PPP3CA: variants seen among roughly 807,000 people sequenced by gnomAD.
PPP3CA encodes the protein CAM-PRP catalytic subunit.
Under a neutral mutation model 66.5 loss-of-function variants are expected in PPP3CA, and 14 were observed. The observed-to-expected ratio is 0.21, with a 90% CI of 0.14 to 0.33. PPP3CA has a LOEUF of 0.33. Among genes scored for constraint, PPP3CA ranks in the 10% least tolerant of loss-of-function variants. The probability of loss-of-function intolerance (pLI) is 1.00; values close to 1 mark genes in which losing one functional copy is unlikely to be tolerated. For missense variants in PPP3CA, 317 were observed against 639.5 expected, an observed-to-expected ratio of 0.50 and a Z score of 5.44; for synonymous variants, 232 against 226.2, an observed-to-expected ratio of 1.03 and a Z score of -0.23.
At position 101,346,824 on chromosome 4, in the gene PPP3CA, C is replaced by A; in HGVS notation, c.-28G>T. On this transcript the variant is annotated 5_prime_UTR_variant, in exon 1 of 14. Coordinates refer to ENST00000394854, the MANE Select transcript of PPP3CA (RefSeq NM_000944.5). ...CCAGCTGCCGGAGGACAGCGACGCG[C>A]TGCTCGTCCGTCCGACTGCACACCC... 1 of 1,604,806 alleles carries A rather than the reference C, an allele frequency of 6.2e-7. No homozygotes were observed. Among genetic ancestry groups the A allele is most frequent in the Non-Finnish European group, 8.5e-7 (1 of 1,176,430 alleles).
intron 2 of PPP3CA, among the ~76,000 whole-genome samples, chr4:101,180,778 A>G (rs1450833601): frequency 2.6e-5 from 4 of 152,124 alleles, no homozygotes; most frequent in Non-Finnish European, 4.4e-5. Context: ...TCACACCTGT[A>G]ATCCCAGCAC....
intron 8 of PPP3CA, among the ~76,000 whole-genome samples, chr4:101,074,804 C>T (rs933533091): frequency 1.3e-5 from 2 of 152,000 alleles, no homozygotes; most frequent in Non-Finnish European, 2.9e-5. Context: ...CATATTTTTC[C>T]CTATCAAAAA....
intron 3 of PPP3CA, among the ~76,000 whole-genome samples, chr4:101,106,458 A>AGAAAGAAAGAAAGAAAG (rs1560605216): frequency 6.1e-5 from 2 of 32,714 alleles, no homozygotes; most frequent in Non-Finnish European, 1.2e-4. Flanking sequence ...AGAAAGAGAA[A>AGAAAGAAAGAAAGAAAG]AGAAAAGAAA....
At chr4:101,318,012 G>A (rs975506259) in intron 1 of PPP3CA, among the ~76,000 whole-genome samples, 2 of 152,150 alleles carry the variant, frequency 1.3e-5, no homozygotes, top group Non-Finnish European at 2.9e-5. Flanking sequence ...AACAAATATT[G>A]TCTATTATTA....
intron 2 of PPP3CA, among the ~76,000 whole-genome samples, chr4:101,179,556 C>T (rs1049292135): frequency 2.0e-5 from 3 of 152,104 alleles, no homozygotes; most frequent in African/African-American, 7.2e-5. Flanking sequence ...CATGCTGTCT[C>T]TTTGTCCCCA....
At chr4:101,034,655 G>A (rs115236148) in intron 11 of PPP3CA, among the ~76,000 whole-genome samples, 1 of 152,272 alleles carries the variant, frequency 6.6e-6, no homozygotes, top group African/African-American at 2.4e-5. Flanking sequence ...GTTGAATGGA[G>A]AATGGAAATG....
intron 2 of PPP3CA, among the ~76,000 whole-genome samples, chr4:101,175,021 T>TA (rs1175477917): frequency 2.6e-5 from 4 of 152,126 alleles, no homozygotes; most frequent in Non-Finnish European, 5.9e-5. Context: ...AGGTAAGACT[T>TA]AAAGTCCCGA....
chr4:101,040,520 T>G lies in PPP3CA; in HGVS notation c.1203A>C (p.Arg401=). 2 of 1,613,724 alleles carry G rather than the reference T, an allele frequency of 1.2e-6. No individual in the cohort carries two copies. Among genetic ancestry groups the G allele is most frequent in the Non-Finnish European group, 1.7e-6 (2 of 1,179,880 alleles). The change falls in exon 11 of 14, where the codon CGA becomes CGC. Residue 401 remains arginine (R), a synonymous_variant. Transcript: ENST00000394854. The stretch of plus-strand genomic sequence containing the variant: ...ACACTCTGGCCATTTTGCCTATTGC[T>G]CGGATCTTGTTCCTTATCACCTCTT... ...ARKEVIRNKI[R]AIGKMARVFS... is the part of the protein sequence containing the mutation.
intron 2 of PPP3CA, among the ~76,000 whole-genome samples, chr4:101,146,093 C>T (rs1439855646): frequency 6.6e-6 from 1 of 152,168 alleles, no homozygotes; most frequent in African/African-American, 2.4e-5. Flanking sequence ...AAGTTTTTCT[C>T]TATTCATGCT....
At chr4:101,082,818 T>C (rs1177100076) in intron 7 of PPP3CA, among the ~76,000 whole-genome samples, 1 of 152,224 alleles carries the variant, frequency 6.6e-6, no homozygotes, top group Non-Finnish European at 1.5e-5. Context: ...ATATTTAGTA[T>C]AATTCTCATT....
intron 10 of PPP3CA, among the ~76,000 whole-genome samples, chr4:101,059,147 G>A (rs1239856014): frequency 6.6e-6 from 1 of 152,038 alleles, no homozygotes; most frequent in Non-Finnish European, 1.5e-5. Context: ...AAAAATTTCT[G>A]CCATTCTGAA....
intron 2 of PPP3CA, among the ~76,000 whole-genome samples, chr4:101,109,330 A>G (rs1721577183): frequency 1.4e-5 from 2 of 144,860 alleles, no homozygotes; most frequent in South Asian, 4.4e-4. Context: ...AAAAAAAAAA[A>G]AGAAGAGAAT....
chr4:101,243,413 T>C (rs1454496764), intron 1 of PPP3CA, among the ~76,000 whole-genome samples: 1 of 152,116 alleles, frequency 6.6e-6, no homozygotes, highest in Non-Finnish European at 1.5e-5. Context: ...ATAAGTACAG[T>C]TGACTCTCCA....
chr4:101,057,438 G>C (rs1352024974), intron 10 of PPP3CA, among the ~76,000 whole-genome samples: 1 of 152,096 alleles, frequency 6.6e-6, no homozygotes, highest in Non-Finnish European at 1.5e-5. Context: ...TGAACTAAAA[G>C]GTCACATTTA....
intron 10 of PPP3CA, among the ~76,000 whole-genome samples, chr4:101,051,854 C>T (rs1728025408): frequency 6.6e-6 from 1 of 152,044 alleles, no homozygotes; most frequent in African/African-American, 2.4e-5. Context: ...CTATAAAAAT[C>T]ATTTCTTTCA....
chr4:101,247,666 T>C (rs760791170), intron 1 of PPP3CA, among the ~76,000 whole-genome samples: 3 of 152,208 alleles, frequency 2.0e-5, no homozygotes, highest in African/African-American at 7.2e-5. Context: ...TTATTTTGTA[T>C]GTATTAAGGT....
At position 101,221,867 on chromosome 4, in the gene PPP3CA, C is replaced by T. The variant is rs1412956336; in HGVS notation, c.59-25751G>A. Among the ~76,000 whole-genome samples the T allele has an allele frequency of 2.0e-5, 3 of 151,516 alleles. No homozygotes were observed. In the Admixed American group the frequency reaches 2.0e-4, roughly 10 times the overall value. On this transcript the variant is annotated intron_variant, in intron 1 of 13. Coordinates refer to ENST00000394854, the MANE Select transcript of PPP3CA (RefSeq NM_000944.5). ...CTCTAAAAGAAATGTATGGCTTATTCGCTATCTGGTAGCTGAGATAACTGA... is the reference window on the plus strand; with the variant it reads ...CTCTAAAAGAAATGTATGGCTTATTTGCTATCTGGTAGCTGAGATAACTGA...
chr4:101,192,166 A>G (rs1293437798), intron 2 of PPP3CA, among the ~76,000 whole-genome samples: 1 of 152,222 alleles, frequency 6.6e-6, no homozygotes, highest in Non-Finnish European at 1.5e-5. Context: ...AGAAGACTTT[A>G]AGAGATATTA....
chr4:101,029,209 AG>A lies in PPP3CA; in HGVS notation c.1340-15del, dbSNP rs1182832101. ...CCTCAACAGTAGCTGAAGAGAAGAAAGGGGGTGCAAAATGAATGAGAAAAAT... is the reference window on the plus strand; with the variant it reads ...CCTCAACAGTAGCTGAAGAGAAGAAAGGGGTGCAAAATGAATGAGAAAAAT... On this transcript the variant is annotated splice_polypyrimidine_tract_variant and intron_variant, in intron 12 of 13. Coordinates refer to ENST00000394854, the MANE Select transcript of PPP3CA (RefSeq NM_000944.5). 2.5e-6 allele frequency: 4 copies of A among 1,605,576 alleles called. No individual in the cohort carries two copies. The highest frequency in any genetic ancestry group is 2.6e-6 in the Non-Finnish European group (3 of 1,172,592).
Sources: gnomAD v4.1 joint callset for allele counts (sites outside exome capture counted in the v4.1 genomes callset) on GRCh38, gnomAD v4.1.1 for gene constraint, MANE v1.5 for transcripts, NCBI Gene and HGNC (gene_info 2026-07-23, HGNC 2026-07-21) for gene names.